Variants in SRGAP2 observed in about 807,000 individuals in gnomAD.
The protein encoded by SRGAP2 is SLIT-ROBO Rho GTPase activating protein 2, also known as SLIT-ROBO Rho GTPase-activating protein 2.
SRGAP2 carries 15 observed loss-of-function variants against 57.2 expected under a neutral mutation model. The ratio of observed to expected loss-of-function variants is 0.26; its 90% CI spans 0.18 to 0.40. The LOEUF (loss-of-function observed/expected upper bound fraction) is 0.40, where lower values mean the gene tolerates loss of function less well. SRGAP2 is among the 10% of genes least tolerant of loss of function. The pLI is 1.00. For missense variants in SRGAP2, 520 were observed against 669.6 expected (o/e 0.78, Z 2.47); for synonymous variants, 249 against 248.0 (o/e 1.00, Z -0.04).
intron 17 of SRGAP2, among the ~76,000 whole-genome samples, chr1:206,443,219 A>G (rs1249322230): frequency 6.6e-6 from 1 of 152,234 alleles, no homozygotes; most frequent in Non-Finnish European, 1.5e-5. Flanking sequence ...ATTCACTAAT[A>G]ATATGAACTG....
chr1:206,454,904 G>A lies in SRGAP2; in HGVS notation c.2387G>A (p.Ser796Asn). Residue 796 changes from serine (S) to asparagine (N), a missense_variant, in exon 21 of 23, where the codon AGC (serine) becomes AAC (asparagine). Coordinates refer to ENST00000573034, the MANE Select transcript of SRGAP2 (RefSeq NM_015326.5). The surrounding 1 kb of genome is among the most constrained non-coding windows in gnomAD (Gnocchi z 4.3). ...DTEDGVVERS[S>N]PKSEIEVISE... ...GAGGACGGTGTCGTGGAGAGGTCCA[G>A]CCCCAAGTCTGAGATTGAGGTCATT... 1.3e-6 allele frequency: 1 copy of A among 779,130 alleles called. No individual in the cohort carries two copies. Among genetic ancestry groups the A allele is most frequent in the Non-Finnish European group, 2.4e-6 (1 of 416,998 alleles). 48.3% of individuals were successfully genotyped at this position (779,130 alleles called of 1,614,324 possible).
At chr1:206,353,798 ATTTT>A (rs566625693) in intron 4 of SRGAP2, among the ~76,000 whole-genome samples, 1 of 127,328 alleles carries the variant, frequency 7.9e-6, no homozygotes, top group Admixed American at 7.8e-5. Flanking sequence ...TTTATTTCAG[ATTTT>A]TTTTTTTTTT....
chr1:206,325,148 C>T lies in SRGAP2; in HGVS notation c.261-17698C>T, dbSNP rs576240593. 1.4e-4 allele frequency among the ~76,000 whole-genome samples: 21 copies of T among 150,320 alleles called. No homozygotes were observed. The South Asian group carries it at 3.6e-3, about 26-fold the overall frequency. ...ACGATTCTCAAAGGGATCTGGAATA[C>T]GTAATTATCTCCCATAATTTAAGAC... is the stretch of plus-strand genomic sequence containing the variant. On this transcript the variant is annotated intron_variant, in intron 3 of 22. Transcript: ENST00000573034.
intron 14 of SRGAP2, among the ~76,000 whole-genome samples, chr1:206,430,705 G>T (rs1346388217): frequency 6.6e-6 from 1 of 152,206 alleles, no homozygotes; most frequent in African/African-American, 2.4e-5. Flanking sequence ...ATGGCCAAGG[G>T]CTGAGTTAGT....
chr1:206,415,859 A>C lies in SRGAP2; in HGVS notation c.1357-30A>C, dbSNP rs782455055. 3.9e-6 allele frequency: 3 copies of C among 768,190 alleles called. No individual in the cohort carries two copies. In the South Asian group the frequency reaches 4.1e-5, roughly 11 times the overall value. 47.6% of individuals were successfully genotyped at this position (768,190 alleles called of 1,614,324 possible). A position where few individuals can be genotyped will look rare whatever the true frequency, so the allele number is the denominator to read the frequency against. On this transcript the variant is annotated intron_variant, in intron 10 of 22. Coordinates refer to ENST00000573034, the MANE Select transcript of SRGAP2 (RefSeq NM_015326.5). The stretch of plus-strand genomic sequence containing the variant: ...TTTTTTCTTCTTCTTCAGGAGTCTG[A>C]TTGCTCTTTTTCCTCCTCCTCTCTT...
intron 2 of SRGAP2, among the ~76,000 whole-genome samples, chr1:206,225,558 A>C (rs1445783009): frequency 1.3e-5 from 2 of 152,066 alleles, no homozygotes; most frequent in African/African-American, 4.8e-5. Context: ...TCAAGCAGGA[A>C]TTTCATTAGG....
intron 18 of SRGAP2, among the ~76,000 whole-genome samples, chr1:206,449,286 A>ATTTTTTTGTTTTTTTTT (rs1489255492): frequency 9.0e-6 from 1 of 110,678 alleles, no homozygotes; most frequent in African/African-American, 3.7e-5. Context: ...ACACTGGATG[A>ATTTTTTTGTTTTTTTTT]TTTTTTTTTT....
intron 10 of SRGAP2, among the ~76,000 whole-genome samples, chr1:206,414,033 C>CTTT (rs1202216512): frequency 1.6e-5 from 2 of 128,954 alleles, no homozygotes; most frequent in African/African-American, 3.1e-5. Flanking sequence ...CTTTTTCTTT[C>CTTT]TTTTTTTTTT....
intron 13 of SRGAP2, among the ~76,000 whole-genome samples, chr1:206,424,429 C>T (rs775808984): frequency 1.1e-4 from 16 of 152,208 alleles, no homozygotes; most frequent in African/African-American, 2.2e-4. Flanking sequence ...CCCAGATGGG[C>T]GGATCACCTG....
At chr1:206,305,682 AAATG>A (rs1672150282) in intron 3 of SRGAP2, among the ~76,000 whole-genome samples, 2 of 150,822 alleles carry the variant, frequency 1.3e-5, no homozygotes, top group South Asian at 4.1e-4. Flanking sequence ...TGGAATAAAT[AAATG>A]AATGAATGAA....
chr1:206,357,928 A>G (rs1193212511), intron 4 of SRGAP2, among the ~76,000 whole-genome samples: 3 of 147,286 alleles, frequency 2.0e-5, no homozygotes, highest in Non-Finnish European at 4.5e-5. Flanking sequence ...GTTCTTGTAC[A>G]TCTAGAAGCA....
rs768423173 is a variant in SRGAP2 at position 206,461,256 on chromosome 1, A to G, written c.3052A>G (p.Ile1018Val). 65 of 780,906 alleles carry G rather than the reference A, an allele frequency of 8.3e-5. No individual in the cohort carries two copies. The highest frequency in any genetic ancestry group is 4.8e-5 in the Non-Finnish European group (20 of 417,986). The allele number at this position is 780,906 out of a possible 1,614,324, so 48.4% of individuals were successfully genotyped here. ...FQRSASTAGD[I>V]ACAFRPVKSV... ...GCGCAGCGCCAGTACTGCTGGGGAC[A>G]TCGCCTGCGCCTTCCGGCCTGTCAA... Residue 1018 changes from isoleucine to valine, a missense_variant, in exon 23 of 23, where the codon ATC becomes GTC. Physicochemically the swap from Ile to Val is conservative, Grantham distance 29 (BLOSUM62 3). Transcript: ENST00000573034.
At chr1:206,416,029 T>C in intron 11 of SRGAP2, 56 bp downstream of exon 11, 2 of 748,540 alleles carry the variant, frequency 2.7e-6, no homozygotes, top group Non-Finnish European at 5.0e-6. Context: ...TGGAGCTTTC[T>C]TGCTGAGCAC....
intron 2 of SRGAP2, among the ~76,000 whole-genome samples, chr1:206,275,903 C>T (rs1374188574): frequency 1.3e-5 from 2 of 151,702 alleles, no homozygotes; most frequent in Non-Finnish European, 2.9e-5. Context: ...GTGTGAGCCA[C>T]CATGCCAGGC....
intron 18 of SRGAP2, 32 bp from the exon 19 acceptor site, chr1:206,450,354 T>C (rs1663157448): frequency 1.3e-6 from 1 of 779,724 alleles, no homozygotes; most frequent in Admixed American, 1.7e-5. Context: ...GAGCACATGT[T>C]AATGTCCCTG....
At chr1:206,384,558 A>G (rs1558371065) in intron 5 of SRGAP2, among the ~76,000 whole-genome samples, 1 of 152,218 alleles carries the variant, frequency 6.6e-6, no homozygotes, top group Non-Finnish European at 1.5e-5. Flanking sequence ...TGTCCCCAGT[A>G]AGAGGGACCA....
At position 206,436,882 on chromosome 1, in the gene SRGAP2, G is replaced by A. The variant is rs1661806522; in HGVS notation, c.1556-83G>A. 1.3e-5 allele frequency: 10 copies of A among 769,914 alleles called. No individual in the cohort carries two copies. In the South Asian group the frequency reaches 1.4e-4, roughly 10 times the overall value. 47.7% of individuals were successfully genotyped at this position (769,914 alleles called of 1,614,324 possible). A position where few individuals can be genotyped will look rare whatever the true frequency, so the allele number is the denominator to read the frequency against. On this transcript the variant is annotated intron_variant, in intron 14 of 22. Transcript: ENST00000573034. Reference sequence around the variant, plus strand: ...GTGCTTAAATACATGCTGGCTGGGGGAGACAGATATTCAACTAAGCTTGGC... The same window carrying A: ...GTGCTTAAATACATGCTGGCTGGGGAAGACAGATATTCAACTAAGCTTGGC...
At chr1:206,335,562 T>C (rs559521211) in intron 3 of SRGAP2, among the ~76,000 whole-genome samples, 1 of 152,088 alleles carries the variant, frequency 6.6e-6, no homozygotes, top group Admixed American at 6.5e-5. Flanking sequence ...GAGAAGCAGG[T>C]CAGAAAAAAG....
At chr1:206,393,412 C>T in intron 6 of SRGAP2, 133 bp from the exon 7 acceptor site, 1 of 551,104 alleles carries the variant, frequency 1.8e-6, no homozygotes, top group East Asian at 3.0e-5. Flanking sequence ...GAATTAGAAC[C>T]CAATTTAAGG....
Sources: gnomAD v4.1 joint callset for allele counts (sites outside exome capture counted in the v4.1 genomes callset) on GRCh38, gnomAD v4.1.1 for gene constraint, Gnocchi (gnomAD v3.1) non-coding constraint, MANE v1.5 for transcripts, NCBI Gene and HGNC (gene_info 2026-07-23, HGNC 2026-07-21) for gene names.